The following NPAS3 variants were observed in gnomAD, a reference collection of about 807,000 sequenced individuals.
NPAS3 encodes neuronal PAS domain protein 3.
NPAS3 carries 14 observed loss-of-function variants against 73.1 expected under a neutral mutation model. The observed-to-expected ratio is 0.19, with a 90% CI of 0.13 to 0.30. NPAS3 has a LOEUF of 0.30. Ranked by LOEUF, NPAS3 falls within the 10% of genes least tolerant of loss-of-function variation. The pLI, the probability that NPAS3 is intolerant of heterozygous loss-of-function variation, is 1.00. For synonymous variants in NPAS3, 620 were observed against 541.5 expected (o/e 1.14, Z -2.01); for missense variants, 1,096 against 1,250.0 (o/e 0.88, Z 1.86).
At chr14:33,172,522 G>GC (rs1358252047) in intron 2 of NPAS3, among the ~76,000 whole-genome samples, 3 of 152,144 alleles carry the variant, frequency 2.0e-5, no homozygotes, top group African/African-American at 7.2e-5. Context: ...GATCACTTGA[G>GC]CTTAGGAATT....
At position 33,510,970 on chromosome 14, in the gene NPAS3, G is replaced by A. The variant is rs574949909; in HGVS notation, c.469-49151G>A. On this transcript the variant is annotated intron_variant, in intron 4 of 11. Coordinates refer to ENST00000356141, the Ensembl canonical transcript of NPAS3. The stretch of plus-strand genomic sequence containing the variant: ...TAATGAGCTTTCAGCTCTTACCTGA[G>A]CAATTTCTTAGGTGGGTACCTCCAG... 1.9e-4 allele frequency among the ~76,000 whole-genome samples: 29 copies of A among 152,178 alleles called. No individual in the cohort carries two copies. In the South Asian group the frequency reaches 5.8e-3, roughly 30 times the overall value.
intron 2 of NPAS3, among the ~76,000 whole-genome samples, chr14:33,074,315 T>C (rs1050646724): frequency 6.6e-6 from 1 of 152,210 alleles, no homozygotes; most frequent in African/African-American, 2.4e-5. Context: ...ATCAAACAGA[T>C]GAATTTAAAG....
In NPAS3 at chr14:33,763,786, ATTGATCATTTTTAGGT is replaced by A. The variant is rs1309440905; in HGVS notation, c.853-10543_853-10528del. On this transcript the variant is annotated intron_variant, in intron 7 of 11. Coordinates refer to ENST00000356141, the Ensembl canonical transcript of NPAS3. The stretch of plus-strand genomic sequence containing the variant: ...AGATACCTACTGCAGCCTCTTGGGA[ATTGATCATTTTTAGGT>A]TTGATCACTAAAGAATTTTTTATCT... Among the ~76,000 whole-genome samples the A allele has an allele frequency of 4.4e-4, 66 of 151,700 alleles. 1 individual carries two copies. The highest frequency in any genetic ancestry group is 1.5e-3 in the African/African-American group (61 of 41,460).
intron 5 of NPAS3, among the ~76,000 whole-genome samples, chr14:33,651,360 T>C (rs7148281): frequency 0.59 from 90,219 of 152,008 alleles, 26,807 homozygotes; most frequent in African/African-American, 0.64. Flanking sequence ...GCTAGGTGGG[T>C]AATAAGTACT....
chr14:33,147,340 C>T (rs192201136), intron 2 of NPAS3, among the ~76,000 whole-genome samples: 1 of 152,282 alleles, frequency 6.6e-6, no homozygotes, highest in East Asian at 1.9e-4. Context: ...TCCATTTCCC[C>T]ATATGCAAAA....
At chr14:33,306,593 G>A (rs890212277) in intron 3 of NPAS3, among the ~76,000 whole-genome samples, 2 of 152,220 alleles carry the variant, frequency 1.3e-5, no homozygotes, top group East Asian at 1.9e-4. Flanking sequence ...GAAGATGTGA[G>A]CCTGAAAATG....
intron 3 of NPAS3, among the ~76,000 whole-genome samples, chr14:33,346,991 C>A (rs2044769749): frequency 6.6e-6 from 1 of 152,162 alleles, no homozygotes; most frequent in Admixed American, 6.5e-5. Context: ...TCCATGTCCA[C>A]CATCTTAAGT....
intron 4 of NPAS3, among the ~76,000 whole-genome samples, chr14:33,384,074 A>G (rs1039171111): frequency 6.6e-6 from 1 of 152,174 alleles, no homozygotes; most frequent in Non-Finnish European, 1.5e-5. Flanking sequence ...TAAAGTAGCA[A>G]TGATTGAAAT....
chr14:33,728,357 A>G (rs1432955528), intron 6 of NPAS3, among the ~76,000 whole-genome samples: 2 of 152,218 alleles, frequency 1.3e-5, no homozygotes, highest in Non-Finnish European at 2.9e-5. Flanking sequence ...TCATTATTGA[A>G]TCACAATTAT....
intron 3 of NPAS3, among the ~76,000 whole-genome samples, chr14:33,241,749 A>G (rs1439226574): frequency 6.6e-6 from 1 of 152,052 alleles, no homozygotes; most frequent in African/African-American, 2.4e-5. Flanking sequence ...TGAATAAAGA[A>G]AGTATCCAAT....
intron 1 of NPAS3, among the ~76,000 whole-genome samples, chr14:33,046,661 T>C (rs995325929): frequency 1.6e-4 from 25 of 152,080 alleles, no homozygotes; most frequent in African/African-American, 6.0e-4. Context: ...ATCTCCAAGG[T>C]ACTTCCAGCA....
intron 5 of NPAS3, among the ~76,000 whole-genome samples, chr14:33,586,319 G>A (rs1359465520): frequency 1.3e-5 from 2 of 151,796 alleles, no homozygotes. Context: ...AGTGAATTCT[G>A]TACTAATTTT....
At chr14:32,986,934 G>A (rs775893194) in intron 1 of NPAS3, among the ~76,000 whole-genome samples, 19 of 152,138 alleles carry the variant, frequency 1.2e-4, no homozygotes, top group Non-Finnish European at 2.6e-4. Flanking sequence ...TTTCTGTGGC[G>A]CTGCCCCGCG....
intron 5 of NPAS3, among the ~76,000 whole-genome samples, chr14:33,593,682 ATATTC>A (rs941367619): frequency 2.8e-4 from 42 of 152,364 alleles, no homozygotes; most frequent in Non-Finnish European, 3.7e-4. Context: ...TCTAACGTTT[ATATTC>A]TATTCTAACA....
chr14:33,738,031 C>T (rs77700036), intron 7 of NPAS3, among the ~76,000 whole-genome samples: 3,862 of 152,150 alleles, frequency 0.025, 174 homozygotes, highest in African/African-American at 0.087. Flanking sequence ...CTGTTGTTGT[C>T]GTCATAGGAA....
rs562898554 is a variant in NPAS3 at position 33,282,922 on chromosome 14, A to G, written c.385+67496A>G. Among the ~76,000 whole-genome samples, 12 of 152,292 alleles carry G rather than the reference A, an allele frequency of 7.9e-5. No homozygotes were observed. The South Asian group carries it at 1.2e-3, about 16-fold the overall frequency. ...AAGTGGATGCCTTGATTCAAAGACT[A>G]CAGAAGCCTAACCCTGTTCCTTTGA... On this transcript the variant is annotated intron_variant, in intron 3 of 11. Coordinates refer to ENST00000356141, the Ensembl canonical transcript of NPAS3.
intron 4 of NPAS3, among the ~76,000 whole-genome samples, chr14:33,495,749 T>A (rs191419138): frequency 6.6e-6 from 1 of 152,054 alleles, no homozygotes; most frequent in Admixed American, 6.6e-5. Flanking sequence ...GTCTTTTTTT[T>A]AATCTTTGTT....
intron 3 of NPAS3, among the ~76,000 whole-genome samples, chr14:33,228,822 G>C (rs1028649817): frequency 2.6e-5 from 4 of 152,100 alleles, no homozygotes; most frequent in African/African-American, 9.7e-5. Context: ...GATGATTAAC[G>C]CGAAAGGAGA....
chr14:33,469,804 T>C (rs1246601687), intron 4 of NPAS3, among the ~76,000 whole-genome samples: 1 of 152,164 alleles, frequency 6.6e-6, no homozygotes, highest in Non-Finnish European at 1.5e-5. Flanking sequence ...AGTAGGAAGA[T>C]GTATGTTATG....
Sources: allele counts gnomAD v4.1 joint callset (sites outside exome capture counted in the v4.1 genomes callset), GRCh38; gene constraint gnomAD v4.1.1; transcripts MANE v1.5; gene names NCBI Gene and HGNC (gene_info 2026-07-23, HGNC 2026-07-21).